The following RUVBL2 variants were observed in gnomAD, a reference collection of about 807,000 sequenced individuals.
RUVBL2 encodes RuvB like AAA ATPase 2, also known as ruvB-like 2.
In RUVBL2, 9 loss-of-function variants were observed where a neutral mutation model predicts 57.9. The ratio of observed to expected loss-of-function variants is 0.16; its 90% CI spans 0.09 to 0.27. RUVBL2 has a LOEUF of 0.27. Among genes scored for constraint, RUVBL2 ranks in the 10% least tolerant of loss-of-function variants. The pLI, the probability that RUVBL2 is intolerant of heterozygous loss-of-function variation, is 1.00. For synonymous variants in RUVBL2, 278 were observed against 264.6 expected, an observed-to-expected ratio of 1.05 and a Z score of -0.49; for missense variants, 456 against 669.6, an observed-to-expected ratio of 0.68 and a Z score of 3.52.
intron 6 of RUVBL2, among the ~76,000 whole-genome samples, chr19:49,007,901 G>A (rs897268625): frequency 6.6e-6 from 1 of 151,702 alleles, no homozygotes; most frequent in Non-Finnish European, 1.5e-5. Context: ...TAGAGACGGG[G>A]TTTCACCATG....
chr19:49,003,246 G>A (rs754328267), intron 2 of RUVBL2, 33 bp from the exon 3 acceptor site: 20 of 1,597,064 alleles, frequency 1.3e-5, no homozygotes, highest in Admixed American at 3.4e-5. Flanking sequence ...AAGCTGGCTA[G>A]TAACTGAGTC....
chr19:49,010,139 A>G (rs2122636718), intron 8 of RUVBL2, 73 bp downstream of exon 8: 5 of 1,323,618 alleles, frequency 3.8e-6, no homozygotes, highest in Non-Finnish European at 5.3e-6. Context: ...CACCCCCTTG[A>G]CCCATGGGGT....
chr19:49,001,953 C>A (rs190706585), intron 2 of RUVBL2, among the ~76,000 whole-genome samples: 1 of 152,256 alleles, frequency 6.6e-6, no homozygotes, highest in Non-Finnish European at 1.5e-5. Flanking sequence ...AATCCTTCCT[C>A]TGTTGAAACT....
At chr19:49,010,178 G>T (rs1386694844) in intron 8 of RUVBL2, 112 bp downstream of exon 8, 1 of 1,020,348 alleles carries the variant, frequency 9.8e-7, no homozygotes, top group Admixed American at 2.0e-5. Context: ...CTGACTGTTT[G>T]TCCTGGTACT....
intron 1 of RUVBL2, among the ~76,000 whole-genome samples, chr19:48,995,675 C>T (rs1361556399): frequency 6.6e-6 from 1 of 151,424 alleles, no homozygotes. Flanking sequence ...ATAGCGAAAC[C>T]CTGTCTCTAC....
chr19:49,011,431 C>G lies in RUVBL2; in HGVS notation c.1001+121C>G, dbSNP rs546990355. 1 of 752,368 alleles carries G rather than the reference C, an allele frequency of 1.3e-6. No homozygotes were observed. Among genetic ancestry groups the G allele is most frequent in the Non-Finnish European group, 2.2e-6 (1 of 449,786 alleles). 46.6% of individuals were successfully genotyped at this position (752,368 alleles called of 1,614,324 possible). Reference sequence around the variant, plus strand: ...GGGAGGGACGCGTGACTGCAGTGTGCGCTCTTTGCTTACAAAAGGCGGGTG... The same window carrying G: ...GGGAGGGACGCGTGACTGCAGTGTGGGCTCTTTGCTTACAAAAGGCGGGTG... On this transcript the variant is annotated intron_variant, in intron 11 of 14. Coordinates refer to ENST00000595090, the MANE Select transcript of RUVBL2 (RefSeq NM_006666.3). This position sits in a 1 kb window ranked among gnomAD's most constrained non-coding sequence, Gnocchi z 4.4.
chr19:49,005,640 A>T (rs74821465), intron 4 of RUVBL2, among the ~76,000 whole-genome samples: 176 of 120,518 alleles, frequency 1.5e-3, no homozygotes, highest in East Asian at 8.2e-3. Context: ...ACTCTTCTTC[A>T]TTTTTTTTTT....
rs750076679 is a variant in RUVBL2, at chr19:49,015,145, C to T, written c.1246C>T (p.Arg416Cys). 41 of 1,607,390 alleles carry T rather than the reference C, an allele frequency of 2.6e-5. No homozygotes were observed. The highest frequency in any genetic ancestry group is 3.0e-5 in the Non-Finnish European group (35 of 1,177,654). The change falls in exon 13 of 15, where the codon CGC becomes TGC. Residue 416 changes from arginine to cysteine, a missense_variant. Physicochemically the swap from Arg to Cys is radical, Grantham distance 180. This residue lies in a region of RUVBL2 where 67 missense variants were observed against 71.5 expected (regional missense o/e 0.94). Transcript: ENST00000595090. ...ITAASLVCRK[R>C]KGTEVQVDDI... ...AGCTGCCAGCTTGGTGTGCCGGAAA[C>T]GCAAGGTCAGCCGGCCGAATTAGCC...
chr19:49,007,706 CTTT>C (rs200255767), intron 6 of RUVBL2, among the ~76,000 whole-genome samples: 24 of 149,262 alleles, frequency 1.6e-4, no homozygotes, highest in Non-Finnish European at 3.3e-4. Flanking sequence ...TTTGCTCTCT[CTTT>C]TTTTTTTGTT....
chr19:49,013,783 G>T (rs564645743), intron 11 of RUVBL2, among the ~76,000 whole-genome samples: 2 of 152,164 alleles, frequency 1.3e-5, no homozygotes, highest in African/African-American at 2.4e-5. Flanking sequence ...GCGTGATGGC[G>T]TGCGCCTGTA....
intron 4 of RUVBL2, 101 bp from the exon 5 acceptor site, chr19:49,006,917 C>T (rs2039291919): frequency 2.7e-6 from 4 of 1,490,568 alleles, no homozygotes; most frequent in Admixed American, 1.8e-5. Flanking sequence ...TGGCACTGAA[C>T]CCTCTTTCCT....
chr19:49,003,507 T>C (rs1288364491), intron 3 of RUVBL2, among the ~76,000 whole-genome samples, 173 bp downstream of exon 3: 3 of 152,120 alleles, frequency 2.0e-5, no homozygotes, highest in African/African-American at 4.8e-5. Flanking sequence ...TTGATTAGGC[T>C]AGGTGTGGTG....
At chr19:49,010,903 C>T in intron 9 of RUVBL2, 96 bp from the exon 10 acceptor site, 2 of 1,132,966 alleles carry the variant, frequency 1.8e-6, no homozygotes, top group Non-Finnish European at 2.6e-6. Flanking sequence ...TCCCCTTCCT[C>T]CATCCCTGGC....
chr19:48,993,724 G>A (rs2038992076), upstream of RUVBL2: 1 of 698,482 alleles, frequency 1.4e-6, no homozygotes, highest in East Asian at 2.7e-5. Flanking sequence ...AGGAGTTCCG[G>A]ACGCCCGTCT....
chr19:49,012,050 C>T (rs1050387763), intron 11 of RUVBL2, among the ~76,000 whole-genome samples: 1 of 152,150 alleles, frequency 6.6e-6, no homozygotes, highest in African/African-American at 2.4e-5. Flanking sequence ...CAGGCAGCCC[C>T]CATAGGCTGT....
Position 49,010,483 on chromosome 19 carries a change from C to CCAAAAACAAAAA in RUVBL2, c.664-5_664-4insCAAAAACAAAAA. 2 of 1,575,968 alleles carry CCAAAAACAAAAA rather than the reference C, an allele frequency of 1.3e-6. No individual in the cohort carries two copies. The highest frequency in any genetic ancestry group is 1.1e-5 in the South Asian group (1 of 90,080). On this transcript the variant is annotated splice_polypyrimidine_tract_variant and splice_region_variant and intron_variant, in intron 8 of 14. Coordinates refer to ENST00000595090, the MANE Select transcript of RUVBL2 (RefSeq NM_006666.3). Reference sequence around the variant, plus strand: ...CGCCGTTCTTCCCCCACCCCCGCCCCATAGACCAAGTTCGTGCAGTGCCCA... The same window carrying CCAAAAACAAAAA: ...CGCCGTTCTTCCCCCACCCCCGCCCCCAAAAACAAAAAATAGACCAAGTTCGTGCAGTGCCCA...
chr19:49,010,901 C>A, intron 9 of RUVBL2, 98 bp from the exon 10 acceptor site: 1 of 1,122,554 alleles, frequency 8.9e-7, no homozygotes, highest in Non-Finnish European at 1.3e-6. Context: ...GCTCCCCTTC[C>A]TCCATCCCTG....
At chr19:48,996,500 A>ATG (rs1600165591) in intron 1 of RUVBL2, among the ~76,000 whole-genome samples, 2 of 85,010 alleles carry the variant, frequency 2.4e-5, no homozygotes, top group East Asian at 6.0e-4. Flanking sequence ...TAATTTTTGT[A>ATG]TCTGTGTGTG....
Position 49,011,061 on chromosome 19 carries a change from C to G in RUVBL2, c.850C>G (p.Arg284Gly). 6.2e-7 allele frequency: 1 copy of G among 1,609,714 alleles called. No individual in the cohort carries two copies. The highest frequency in any genetic ancestry group is 1.1e-5 in the South Asian group (1 of 90,588). The change falls in exon 10 of 15, where the codon CGC (arginine) becomes GGC (glycine). Residue 284 changes from arginine to glycine, a missense_variant. Physicochemically the swap from Arg to Gly is moderately radical, Grantham distance 125 (BLOSUM62 -2). This residue lies in a region of RUVBL2 where 130 missense variants were observed against 243.0 expected (regional missense o/e 0.53). Coordinates refer to ENST00000595090, the MANE Select transcript of RUVBL2 (RefSeq NM_006666.3). The surrounding 1 kb of genome is among the most constrained non-coding windows in gnomAD (Gnocchi z 4.4). ...EQINAKVAEWREEGKAEIIPG... is the reference protein window; with the variant it reads ...EQINAKVAEWGEEGKAEIIPG... ...GATCAATGCCAAGGTGGCTGAGTGGCGCGAGGAGGGCAAGGCGGAGATCAT... is the reference window on the plus strand; with the variant it reads ...GATCAATGCCAAGGTGGCTGAGTGGGGCGAGGAGGGCAAGGCGGAGATCAT...
Sources: gnomAD v4.1 joint callset for allele counts (sites outside exome capture counted in the v4.1 genomes callset) on GRCh38, gnomAD v4.1.1 for gene constraint, gnomAD v4.1.1 regional missense constraint, Gnocchi (gnomAD v3.1) non-coding constraint, MANE v1.5 for transcripts, NCBI Gene and HGNC (gene_info 2026-07-23, HGNC 2026-07-21) for gene names.